Variants in PPIB observed in about 807,000 individuals in gnomAD.
PPIB encodes the protein peptidylprolyl isomerase B, also known as peptidyl-prolyl cis-trans isomerase B.
A neutral mutation model predicts 20.1 loss-of-function variants in PPIB; 15 were observed. That is an observed-to-expected ratio of 0.75 (90% CI 0.50 to 1.15). The LOEUF is 1.15. Among genes scored for constraint, PPIB ranks in the 50% most tolerant of loss-of-function variants. The probability of loss-of-function intolerance (pLI) is 0.00; values close to 1 mark genes in which losing one functional copy is unlikely to be tolerated. For synonymous variants in PPIB, 129 were observed against 111.0 expected, an observed-to-expected ratio of 1.16 and a Z score of -1.02; for missense variants, 278 against 283.0, an observed-to-expected ratio of 0.98 and a Z score of 0.13.
At position 64,162,166 on chromosome 15, in the gene PPIB, GACCATTTCC is replaced by G; in HGVS notation, c.136-21_136-13del. 3 of 1,593,616 alleles carry G rather than the reference GACCATTTCC, an allele frequency of 1.9e-6. No individual in the cohort carries two copies. Among genetic ancestry groups the G allele is most frequent in the Non-Finnish European group, 2.6e-6 (3 of 1,161,308 alleles). ...AGGTCAAAATACACCTGAGGAAAGAGACCATTTCCAACTTAGCTTCTTTAAAGGGGCGTT... is the reference window on the plus strand; with the variant it reads ...AGGTCAAAATACACCTGAGGAAAGAGAACTTAGCTTCTTTAAAGGGGCGTT... On this transcript the variant is annotated splice_polypyrimidine_tract_variant and intron_variant, in intron 1 of 4. Transcript: ENST00000300026.
intron 1 of PPIB, among the ~76,000 whole-genome samples, 162 bp from the exon 2 acceptor site, chr15:64,162,316 T>C (rs1250331060): frequency 6.6e-6 from 1 of 152,140 alleles, no homozygotes; most frequent in Non-Finnish European, 1.5e-5. Context: ...CCTATGAGAA[T>C]CTAATGAAAG....
At position 64,158,831 on chromosome 15, in the gene PPIB, C is replaced by T. The variant is rs977010873; in HGVS notation, c.343+1273G>A. On this transcript the variant is annotated intron_variant, in intron 3 of 4. Coordinates refer to ENST00000300026, the MANE Select transcript of PPIB (RefSeq NM_000942.5). This position sits in a 1 kb window ranked among gnomAD's most constrained non-coding sequence, Gnocchi z 4.7. ...CCTCACATCCGCAAGGTCATTCCCC[C>T]GTTCCCTGGCCTGAGGGGATCCCTC... Among the ~76,000 whole-genome samples, 4 of 152,238 alleles carry T rather than the reference C, an allele frequency of 2.6e-5. No individual in the cohort carries two copies. Among genetic ancestry groups the T allele is most frequent in the Admixed American group, 6.5e-5 (1 of 15,290 alleles).
In PPIB at chr15:64,160,045, G is replaced by C. The variant is rs777778835; in HGVS notation, c.343+59C>G. ...GGCCTGGTCTCCCCAGCAGAACCTG[G>C]CCCTCCCACTGTGGAGGCTACACTG... On this transcript the variant is annotated intron_variant, in intron 3 of 4. Coordinates refer to ENST00000300026, the MANE Select transcript of PPIB (RefSeq NM_000942.5). This position sits in a 1 kb window ranked among gnomAD's most constrained non-coding sequence, Gnocchi z 4.8. 5.6e-6 allele frequency: 8 copies of C among 1,426,180 alleles called. No individual in the cohort carries two copies. The highest frequency in any genetic ancestry group is 7.9e-6 in the Non-Finnish European group (8 of 1,009,224). The allele number at this position is 1,426,180 out of a possible 1,614,324, so 88.3% of individuals were successfully genotyped here.
chr15:64,156,626 T>C lies in PPIB; in HGVS notation c.528+99A>G. On this transcript the variant is annotated intron_variant, in intron 4 of 4. Coordinates refer to ENST00000300026, the MANE Select transcript of PPIB (RefSeq NM_000942.5). This position sits in a 1 kb window ranked among gnomAD's most constrained non-coding sequence, Gnocchi z 6.4. ...TGGGCTGCATCTGTGGGTTGGGTCC[T>C]TTTGGGAAAGGGATGGACACATGGA... 6.8e-7 allele frequency: 1 copy of C among 1,470,438 alleles called. No individual in the cohort carries two copies. The highest frequency in any genetic ancestry group is 1.7e-5 in the Admixed American group (1 of 59,826). 91.1% of individuals were successfully genotyped at this position (1,470,438 alleles called of 1,614,324 possible). A position where few individuals can be genotyped will look rare whatever the true frequency, so the allele number is the denominator to read the frequency against.
At position 64,156,615 on chromosome 15, in the gene PPIB, G is replaced by T. The variant is rs2081533593; in HGVS notation, c.528+110C>A. On this transcript the variant is annotated intron_variant, in intron 4 of 4. Transcript: ENST00000300026. This position sits in a 1 kb window ranked among gnomAD's most constrained non-coding sequence, Gnocchi z 6.4. ...GACAGGAGCACTGGGCTGCATCTGT[G>T]GGTTGGGTCCTTTTGGGAAAGGGAT... The T allele has an allele frequency of 1.5e-6, 2 of 1,307,470 alleles. No individual in the cohort carries two copies. Among genetic ancestry groups the T allele is most frequent in the Non-Finnish European group, 2.2e-6 (2 of 901,572 alleles). 81.0% of individuals were successfully genotyped at this position (1,307,470 alleles called of 1,614,324 possible).
Position 64,161,981 on chromosome 15 carries a change from G to T in PPIB, c.249+60C>A. ...GCTGAACTCTGCAGGTCAGTTTGCTGCCATCCCCAGTGCCAATTTCACTTC... is the reference window on the plus strand; with the variant it reads ...GCTGAACTCTGCAGGTCAGTTTGCTTCCATCCCCAGTGCCAATTTCACTTC... On this transcript the variant is annotated intron_variant, in intron 2 of 4. Coordinates refer to ENST00000300026, the MANE Select transcript of PPIB (RefSeq NM_000942.5). This position sits in a 1 kb window ranked among gnomAD's most constrained non-coding sequence, Gnocchi z 4.2. 1 of 1,242,414 alleles carries T rather than the reference G, an allele frequency of 8.0e-7. No homozygotes were observed. The highest frequency in any genetic ancestry group is 1.2e-6 in the Non-Finnish European group (1 of 841,706). The allele number at this position is 1,242,414 out of a possible 1,614,324, so 77.0% of individuals were successfully genotyped here. A position where few individuals can be genotyped will look rare whatever the true frequency, so the allele number is the denominator to read the frequency against.
chr15:64,157,894 C>G lies in PPIB; in HGVS notation c.344-985G>C, dbSNP rs2081544360. Among the ~76,000 whole-genome samples, 1 of 152,122 alleles carries G rather than the reference C, an allele frequency of 6.6e-6. No homozygotes were observed. The highest frequency in any genetic ancestry group is 6.5e-5 in the Admixed American group (1 of 15,276). The stretch of plus-strand genomic sequence containing the variant: ...GACTCTGGCTGGTGGGGACAGGGTG[C>G]TTCTGCCTGTGCTCCACCTCTCACC... On this transcript the variant is annotated intron_variant, in intron 3 of 4. Coordinates refer to ENST00000300026, the MANE Select transcript of PPIB (RefSeq NM_000942.5). This position sits in a 1 kb window ranked among gnomAD's most constrained non-coding sequence, Gnocchi z 4.2.
Position 64,160,229 on chromosome 15 carries a change from G to A in PPIB, c.250-32C>T, listed in dbSNP as rs762461440. 3.6e-5 allele frequency: 55 copies of A among 1,533,984 alleles called. No homozygotes were observed. The highest frequency in any genetic ancestry group is 4.9e-5 in the Non-Finnish European group (54 of 1,107,204). ...AAAGGGAAGAGAAGGTAAGGAGGTG[G>A]TATGGGGCAGCAGGAAGACATTACA... On this transcript the variant is annotated intron_variant, in intron 2 of 4. Coordinates refer to ENST00000300026, the MANE Select transcript of PPIB (RefSeq NM_000942.5). This position sits in a 1 kb window ranked among gnomAD's most constrained non-coding sequence, Gnocchi z 4.8.
chr15:64,156,957 C>G lies in PPIB; in HGVS notation c.344-48G>C. On this transcript the variant is annotated intron_variant, in intron 3 of 4. Coordinates refer to ENST00000300026, the MANE Select transcript of PPIB (RefSeq NM_000942.5). This position sits in a 1 kb window ranked among gnomAD's most constrained non-coding sequence, Gnocchi z 6.4. ...TCAGGGGCGCTGGATTGCGCCAAACCAAGCAGACATTCGGGGCCAGGACTG... is the reference window on the plus strand; with the variant it reads ...TCAGGGGCGCTGGATTGCGCCAAACGAAGCAGACATTCGGGGCCAGGACTG... 2 of 1,590,326 alleles carry G rather than the reference C, an allele frequency of 1.3e-6. No individual in the cohort carries two copies. Among genetic ancestry groups the G allele is most frequent in the Non-Finnish European group, 1.7e-6 (2 of 1,160,050 alleles).
rs2081559918 is a variant in PPIB, at chr15:64,160,737, C to A, written c.250-540G>T. Among the ~76,000 whole-genome samples, 1 of 152,176 alleles carries A rather than the reference C, an allele frequency of 6.6e-6. No individual in the cohort carries two copies. Among genetic ancestry groups the A allele is most frequent in the South Asian group, 2.1e-4 (1 of 4,834 alleles). ...TCTCCGCTCACTGCAGCCTCCACCT[C>A]CCAGGTTCAAGCGATTCTCCAGCCT... On this transcript the variant is annotated intron_variant, in intron 2 of 4. Transcript: ENST00000300026. This position sits in a 1 kb window ranked among gnomAD's most constrained non-coding sequence, Gnocchi z 4.8.
Position 64,159,883 on chromosome 15 carries a change from TTC to T in PPIB, c.343+219_343+220del, listed in dbSNP as rs2081555889. 1 of 608,034 alleles carries T rather than the reference TTC, an allele frequency of 1.6e-6. No homozygotes were observed. Among genetic ancestry groups the T allele is most frequent in the Non-Finnish European group, 2.9e-6 (1 of 341,182 alleles). 37.7% of individuals were successfully genotyped at this position (608,034 alleles called of 1,614,324 possible). Reference sequence around the variant, plus strand: ...CAGCAGGACGGTCACCTGGGAGAGATTCTCTTAGATCTACCATCAGGTCCACC... The same window carrying T: ...CAGCAGGACGGTCACCTGGGAGAGATTCTTAGATCTACCATCAGGTCCACC... On this transcript the variant is annotated intron_variant, in intron 3 of 4. Transcript: ENST00000300026. This position sits in a 1 kb window ranked among gnomAD's most constrained non-coding sequence, Gnocchi z 5.1.
chr15:64,156,011 T>C lies in PPIB; in HGVS notation c.*12A>G, dbSNP rs763342854. On this transcript the variant is annotated 3_prime_UTR_variant, in exon 5 of 5. Coordinates refer to ENST00000300026, the MANE Select transcript of PPIB (RefSeq NM_000942.5). The surrounding 1 kb of genome is among the most constrained non-coding windows in gnomAD (Gnocchi z 6.4). ...GCACAGACGGTCACTCAAAGAAAGA[T>C]GTCCCTGTGCCCTACTCCTTGGCGA... 67 of 1,613,974 alleles carry C rather than the reference T, an allele frequency of 4.2e-5. No homozygotes were observed. Among genetic ancestry groups the C allele is most frequent in the Non-Finnish European group, 5.6e-5 (66 of 1,179,996 alleles).
At position 64,157,955 on chromosome 15, in the gene PPIB, A is replaced by C. The variant is rs2081544837; in HGVS notation, c.344-1046T>G. The stretch of plus-strand genomic sequence containing the variant: ...GGAGACTGGACTCTGCCACATGTGC[A>C]GTGAGACCTGGCTGGAGTGCTGGCT... On this transcript the variant is annotated intron_variant, in intron 3 of 4. Transcript: ENST00000300026. This position sits in a 1 kb window ranked among gnomAD's most constrained non-coding sequence, Gnocchi z 4.2. Among the ~76,000 whole-genome samples, 1 of 152,188 alleles carries C rather than the reference A, an allele frequency of 6.6e-6. No individual in the cohort carries two copies. Among genetic ancestry groups the C allele is most frequent in the African/African-American group, 2.4e-5 (1 of 41,446 alleles).
At position 64,156,593 on chromosome 15, in the gene PPIB, A is replaced by C. The variant is rs1212349248; in HGVS notation, c.528+132T>G. The C allele has an allele frequency of 9.1e-7, 1 of 1,102,158 alleles. No individual in the cohort carries two copies. The highest frequency in any genetic ancestry group is 1.4e-6 in the Non-Finnish European group (1 of 716,464). 68.3% of individuals were successfully genotyped at this position (1,102,158 alleles called of 1,614,324 possible). ...TGGAGGTACAGGGTTTATTCTGGAC[A>C]GGAGCACTGGGCTGCATCTGTGGGT... On this transcript the variant is annotated intron_variant, in intron 4 of 4. Transcript: ENST00000300026. The surrounding 1 kb of genome is among the most constrained non-coding windows in gnomAD (Gnocchi z 6.4).
chr15:64,162,869 G>C lies in PPIB; in HGVS notation c.118C>G (p.Pro40Ala), dbSNP rs774612111. The C allele has an allele frequency of 6.8e-6, 11 of 1,611,754 alleles. No homozygotes were observed. In the South Asian group the frequency reaches 1.2e-4, roughly 18 times the overall value. ...CACCGGACCTTGACGGTGACTTTGGGCCCCTTCTTCTTCTCATCGGCCGCA... is the reference window on the plus strand; with the variant it reads ...CACCGGACCTTGACGGTGACTTTGGCCCCCTTCTTCTTCTCATCGGCCGCA... The part of the protein sequence containing the change: ...PSAADEKKKG[P>A]KVTVKVYFDL... Residue 40 changes from proline (P) to alanine (A), a missense_variant, in exon 1 of 5, where the codon CCC (proline) becomes GCC (alanine). Physicochemically the swap from Pro to Ala is conservative, Grantham distance 27. Coordinates refer to ENST00000300026, the MANE Select transcript of PPIB (RefSeq NM_000942.5).
Position 64,156,753 on chromosome 15 carries a change from A to C in PPIB, c.500T>G (p.Val167Gly). The change falls in exon 4 of 5, where the codon GTG becomes GGG. Residue 167 changes from valine to glycine, a missense_variant. Coordinates refer to ENST00000300026, the MANE Select transcript of PPIB (RefSeq NM_000942.5). The surrounding 1 kb of genome is among the most constrained non-coding windows in gnomAD (Gnocchi z 6.4). ...VKTAWLDGKHVVFGKVLEGME... is the reference protein window; with the variant it reads ...VKTAWLDGKHGVFGKVLEGME... Reference sequence around the variant, plus strand: ...GCCCTCTAGAACTTTGCCAAACACCACATGCTTGCCATCTAGCCAGGCTGT... The same window carrying C: ...GCCCTCTAGAACTTTGCCAAACACCCCATGCTTGCCATCTAGCCAGGCTGT... The C allele has an allele frequency of 6.2e-7, 1 of 1,614,150 alleles. No individual in the cohort carries two copies.
At position 64,160,617 on chromosome 15, in the gene PPIB, CCTTA is replaced by C. The variant is rs2081559442; in HGVS notation, c.250-424_250-421del. ...AAGTCTCCCCAGGAAGCTCTGGACC[CCTTA>C]CTCTTTTTTATCTCATTTTTTAAAT... On this transcript the variant is annotated intron_variant, in intron 2 of 4. Transcript: ENST00000300026. The surrounding 1 kb of genome is among the most constrained non-coding windows in gnomAD (Gnocchi z 4.8). Among the ~76,000 whole-genome samples the C allele has an allele frequency of 6.6e-6, 1 of 152,146 alleles. No individual in the cohort carries two copies. Among genetic ancestry groups the C allele is most frequent in the Non-Finnish European group, 1.5e-5 (1 of 68,024 alleles).
Position 64,160,324 on chromosome 15 carries a change from C to T in PPIB, c.250-127G>A. On this transcript the variant is annotated intron_variant, in intron 2 of 4. Coordinates refer to ENST00000300026, the MANE Select transcript of PPIB (RefSeq NM_000942.5). The surrounding 1 kb of genome is among the most constrained non-coding windows in gnomAD (Gnocchi z 4.8). ...AAGAGACACCACTGCTGACCACTTT[C>T]ACTGTTCAGTGTGCTACTAAGTGAG... 1.3e-6 allele frequency: 1 copy of T among 784,018 alleles called. No homozygotes were observed. Among genetic ancestry groups the T allele is most frequent in the Admixed American group, 2.0e-5 (1 of 50,444 alleles). The allele number at this position is 784,018 out of a possible 1,614,324, so 48.6% of individuals were successfully genotyped here.
chr15:64,156,681 C>T lies in PPIB; in HGVS notation c.528+44G>A, dbSNP rs1444855380. 6.2e-7 allele frequency: 1 copy of T among 1,608,682 alleles called. No homozygotes were observed. Among genetic ancestry groups the T allele is most frequent in the Non-Finnish European group, 8.5e-7 (1 of 1,175,092 alleles). On this transcript the variant is annotated intron_variant, in intron 4 of 4. Transcript: ENST00000300026. This position sits in a 1 kb window ranked among gnomAD's most constrained non-coding sequence, Gnocchi z 6.4. Reference sequence around the variant, plus strand: ...CTGCCCTGGGGTCTGTGTTGAATCCCCGGTGAGGATTGCCCAGTAGTAGCC... The same window carrying T: ...CTGCCCTGGGGTCTGTGTTGAATCCTCGGTGAGGATTGCCCAGTAGTAGCC...
Sources: allele counts gnomAD v4.1 joint callset (sites outside exome capture counted in the v4.1 genomes callset), GRCh38; gene constraint gnomAD v4.1.1; non-coding constraint Gnocchi (gnomAD v3.1); transcripts MANE v1.5; gene names NCBI Gene and HGNC (gene_info 2026-07-23, HGNC 2026-07-21).